The following CYFIP1 variants were observed in gnomAD, a reference collection of about 807,000 sequenced individuals.
The protein encoded by CYFIP1 is cytoplasmic FMR1-interacting protein 1.
Under a neutral mutation model 163.5 loss-of-function variants are expected in CYFIP1, and 58 were observed. The observed-to-expected ratio is 0.35, with a 90% CI of 0.29 to 0.44. The LOEUF is 0.44. Ranked by LOEUF, CYFIP1 falls within the 20% of genes least tolerant of loss-of-function variation. The pLI, the probability that CYFIP1 is intolerant of heterozygous loss-of-function variation, is 1.00. For missense variants in CYFIP1, 1,338 were observed against 1,653.8 expected (o/e 0.81, Z 3.31); for synonymous variants, 663 against 660.7 (o/e 1.00, Z -0.05).
chr15:22,932,140 A>G, intron 11 of CYFIP1, 83 bp downstream of exon 11: 2 of 957,760 alleles, frequency 2.1e-6, no homozygotes, highest in Middle Eastern at 2.2e-4. Flanking sequence ...ACTGTTTTTC[A>G]AAGCAATTAA....
intron 9 of CYFIP1, among the ~76,000 whole-genome samples, chr15:22,936,556 A>C (rs1319182436): frequency 6.6e-6 from 1 of 152,172 alleles, no homozygotes; most frequent in Non-Finnish European, 1.5e-5. Flanking sequence ...ATGGGAACGG[A>C]GATCAGGACA....
chr15:22,960,369 G>A (rs1007077476), intron 1 of CYFIP1, among the ~76,000 whole-genome samples: 2 of 152,236 alleles, frequency 1.3e-5, no homozygotes, highest in African/African-American at 4.8e-5. Flanking sequence ...CAGCGGGCTC[G>A]TGCTCTGGGA....
intron 22 of CYFIP1, among the ~76,000 whole-genome samples, chr15:22,897,013 G>GACC (rs2060257929): frequency 6.6e-6 from 1 of 152,126 alleles, no homozygotes; most frequent in African/African-American, 2.4e-5. Context: ...AGGAGTTTGA[G>GACC]ACCAGCCTGG....
chr15:22,979,882 A>G (rs2063413370), intron 1 of CYFIP1, among the ~76,000 whole-genome samples: 1 of 152,124 alleles, frequency 6.6e-6, no homozygotes, highest in African/African-American at 2.4e-5. Context: ...CCTGCTCCTT[A>G]CTTTCCAACA....
intron 25 of CYFIP1, among the ~76,000 whole-genome samples, chr15:22,881,065 G>A (rs1213260349): frequency 6.6e-6 from 1 of 152,154 alleles, no homozygotes; most frequent in Non-Finnish European, 1.5e-5. Flanking sequence ...TCCCCATGGT[G>A]GCTGAGGGGG....
Position 22,917,010 on chromosome 15 carries a change from A to G in CYFIP1, c.1675-380T>C. On this transcript the variant is annotated intron_variant, in intron 15 of 30. Coordinates refer to ENST00000617928, the MANE Select transcript of CYFIP1 (RefSeq NM_014608.6). This position sits in a 1 kb window ranked among gnomAD's most constrained non-coding sequence, Gnocchi z 4.2. ...CTCGGCAGAGCCCAAGGACTCGGCC[A>G]TGGTGCGCACCAGGTAGAGCTAGAC... The G allele has an allele frequency of 3.2e-6, 5 of 1,550,040 alleles. No individual in the cohort carries two copies. In the South Asian group the frequency reaches 3.6e-5, roughly 11 times the overall value.
chr15:22,970,967 T>C (rs2063074467), intron 1 of CYFIP1, among the ~76,000 whole-genome samples: 1 of 151,868 alleles, frequency 6.6e-6, no homozygotes, highest in Non-Finnish European at 1.5e-5. Context: ...TCCCAGCTCC[T>C]AGAGAGGCTG....
chr15:22,956,757 C>G (rs571155343), intron 1 of CYFIP1, among the ~76,000 whole-genome samples: 15 of 152,308 alleles, frequency 9.8e-5, no homozygotes, highest in Admixed American at 8.5e-4. Context: ...TGCGGCCACT[C>G]TGGCCGGGCC....
chr15:22,949,118 C>T (rs2062159098), intron 1 of CYFIP1, among the ~76,000 whole-genome samples: 1 of 152,214 alleles, frequency 6.6e-6, no homozygotes, highest in Admixed American at 6.5e-5. Flanking sequence ...AGACACATCA[C>T]GGTCAAACTG....
At position 22,917,693 on chromosome 15, in the gene CYFIP1, C is replaced by T. The variant is rs2061034419; in HGVS notation, c.1674+95G>A. 2 of 1,408,350 alleles carry T rather than the reference C, an allele frequency of 1.4e-6. No homozygotes were observed. Among genetic ancestry groups the T allele is most frequent in the Admixed American group, 2.8e-5 (1 of 36,300 alleles). The allele number at this position is 1,408,350 out of a possible 1,614,324, so 87.2% of individuals were successfully genotyped here. A position where few individuals can be genotyped will look rare whatever the true frequency, so the allele number is the denominator to read the frequency against. On this transcript the variant is annotated intron_variant, in intron 15 of 30. Coordinates refer to ENST00000617928, the MANE Select transcript of CYFIP1 (RefSeq NM_014608.6). This position sits in a 1 kb window ranked among gnomAD's most constrained non-coding sequence, Gnocchi z 4.2. ...CTCTGCCTGAGCAGGCAGCGAGGAC[C>T]TCATTTAACCCGGGCCTCACCAGCC...
chr15:22,911,528 C>T (rs1200280811), intron 18 of CYFIP1, among the ~76,000 whole-genome samples: 2 of 152,138 alleles, frequency 1.3e-5, no homozygotes, highest in African/African-American at 4.8e-5. Flanking sequence ...CCTCAAAAGA[C>T]CCTTACTTGC....
chr15:22,979,330 T>G (rs1035436951), intron 1 of CYFIP1, among the ~76,000 whole-genome samples: 2 of 152,106 alleles, frequency 1.3e-5, no homozygotes, highest in East Asian at 3.9e-4. Flanking sequence ...CTGTCAAGCA[T>G]AGCAATGTGC....
At chr15:22,881,958 C>A in intron 24 of CYFIP1, 22 bp from the exon 25 acceptor site, 1 of 1,605,178 alleles carries the variant, frequency 6.2e-7, no homozygotes, top group Non-Finnish European at 8.5e-7. Flanking sequence ...ATGAGACGGG[C>A]TGCGTCAGCC....
chr15:22,971,764 G>A (rs2063104775), intron 1 of CYFIP1, among the ~76,000 whole-genome samples: 1 of 152,096 alleles, frequency 6.6e-6, no homozygotes, highest in Admixed American at 6.5e-5. Context: ...CAGACACTCA[G>A]GAGGCTGAAG....
At chr15:22,891,462 CAT>C (rs1282507138) in intron 23 of CYFIP1, among the ~76,000 whole-genome samples, 3 of 152,192 alleles carry the variant, frequency 2.0e-5, no homozygotes, top group African/African-American at 7.2e-5. Flanking sequence ...TTTTCAAGGA[CAT>C]AATGTTTACA....
intron 6 of CYFIP1, among the ~76,000 whole-genome samples, chr15:22,940,268 T>G (rs1003827122): frequency 6.6e-6 from 1 of 152,176 alleles, no homozygotes; most frequent in Non-Finnish European, 1.5e-5. Context: ...CAACATTCAC[T>G]TCCTCCCCTT....
intron 16 of CYFIP1, among the ~76,000 whole-genome samples, chr15:22,915,648 C>A (rs1220330758): frequency 1.3e-5 from 2 of 152,116 alleles, no homozygotes; most frequent in Non-Finnish European, 2.9e-5. Flanking sequence ...ACTTGGGAGG[C>A]TGAGGGAGGA....
chr15:22,882,956 G>A lies in CYFIP1; in HGVS notation c.2732C>T (p.Pro911Leu), dbSNP rs2059811365. ...CCGGCAGATGACTTGAAAGTGTGGA[G>A]GTCCCACGAAGTTCCGGTAGCTGCC... ...IYGSYRNFVGPPHFQVICRLL... is the reference protein window; with the variant it reads ...IYGSYRNFVGLPHFQVICRLL... Residue 911 changes from proline to leucine, a missense_variant, in exon 24 of 31, where the codon CCT becomes CTT. Around this residue, in one of 4 missense-constraint regions of CYFIP1, gnomAD observed 824 missense variants for 995.7 expected, o/e 0.83. Coordinates refer to ENST00000617928, the MANE Select transcript of CYFIP1 (RefSeq NM_014608.6). The A allele has an allele frequency of 6.2e-7, 1 of 1,613,950 alleles. No individual in the cohort carries two copies. The highest frequency in any genetic ancestry group is 1.1e-5 in the South Asian group (1 of 91,068).
chr15:22,926,522 ATAAG>A (rs1008126113), intron 12 of CYFIP1, among the ~76,000 whole-genome samples: 20 of 152,318 alleles, frequency 1.3e-4, no homozygotes, highest in Middle Eastern at 3.4e-3. Context: ...AAATAAAATA[ATAAG>A]TAAGTAAATA....
Sources: gnomAD v4.1 joint callset for allele counts (sites outside exome capture counted in the v4.1 genomes callset) on GRCh38, gnomAD v4.1.1 for gene constraint, gnomAD v4.1.1 regional missense constraint, Gnocchi (gnomAD v3.1) non-coding constraint, MANE v1.5 for transcripts, NCBI Gene and HGNC (gene_info 2026-07-23, HGNC 2026-07-21) for gene names.